The following VWC2L variants were observed in gnomAD, a reference collection of about 807,000 sequenced individuals.
The protein encoded by VWC2L is von Willebrand factor C domain-containing protein 2-like.
A neutral mutation model predicts 21.6 loss-of-function variants in VWC2L; 10 were observed. That is an observed-to-expected ratio of 0.46 (90% CI 0.29 to 0.78). The LOEUF is 0.78. Ranked by LOEUF, VWC2L falls within the 30% of genes least tolerant of loss-of-function variation. The pLI, the probability that VWC2L is intolerant of heterozygous loss-of-function variation, is 0.10. For synonymous variants in VWC2L, 96 were observed against 94.3 expected, an observed-to-expected ratio of 1.02 and a Z score of -0.10; for missense variants, 209 against 277.1, an observed-to-expected ratio of 0.75 and a Z score of 1.74.
chr2:214,500,418 T>C (rs1232306960), intron 3 of VWC2L, among the ~76,000 whole-genome samples: 1 of 152,232 alleles, frequency 6.6e-6, no homozygotes, highest in Non-Finnish European at 1.5e-5. Context: ...TTTCTTGCAT[T>C]GCCATTCTTT....
chr2:214,466,641 T>C (rs1001977538), intron 3 of VWC2L, among the ~76,000 whole-genome samples: 1 of 152,224 alleles, frequency 6.6e-6, no homozygotes, highest in Non-Finnish European at 1.5e-5. Flanking sequence ...CTGTTTTCTA[T>C]GTTTTCCATT....
At chr2:214,541,624 C>G (rs1421862339) in intron 3 of VWC2L, among the ~76,000 whole-genome samples, 1 of 152,134 alleles carries the variant, frequency 6.6e-6, no homozygotes, top group Non-Finnish European at 1.5e-5. Context: ...ATTTTGCATT[C>G]TCGCTCTGCC....
chr2:214,458,053 T>G (rs1256403623), intron 3 of VWC2L, among the ~76,000 whole-genome samples: 3 of 152,084 alleles, frequency 2.0e-5, no homozygotes, highest in Non-Finnish European at 4.4e-5. Flanking sequence ...TTTCTTCTAA[T>G]GTGGCAGTAA....
intron 3 of VWC2L, among the ~76,000 whole-genome samples, chr2:214,536,606 A>T (rs1689534407): frequency 6.6e-6 from 1 of 152,010 alleles, no homozygotes; most frequent in Admixed American, 6.6e-5. Flanking sequence ...AGCTTCCTTT[A>T]CCTTTCCTTC....
chr2:214,481,278 A>G (rs1183199656), intron 3 of VWC2L, among the ~76,000 whole-genome samples: 1 of 152,204 alleles, frequency 6.6e-6, no homozygotes, highest in Non-Finnish European at 1.5e-5. Context: ...GCTAAGCCTT[A>G]ACAGATCTTA....
chr2:214,500,880 A>G (rs1688881671), intron 3 of VWC2L, among the ~76,000 whole-genome samples: 1 of 152,222 alleles, frequency 6.6e-6, no homozygotes, highest in Admixed American at 6.5e-5. Flanking sequence ...TCTAGGTTAT[A>G]TAAGACCTTT....
intron 3 of VWC2L, among the ~76,000 whole-genome samples, chr2:214,443,242 T>C (rs7589488): frequency 0.41 from 61,814 of 151,748 alleles, 15,404 homozygotes; most frequent in African/African-American, 0.72. Context: ...GTCTGTGGTG[T>C]GTGCCTGTAA....
chr2:214,561,534 G>T (rs1689970543), intron 3 of VWC2L, among the ~76,000 whole-genome samples: 1 of 151,988 alleles, frequency 6.6e-6, no homozygotes, highest in Admixed American at 6.6e-5. Flanking sequence ...TCAGCACTTT[G>T]GGAAGCTGAG....
chr2:214,550,397 ATTAT>A (rs1281816385), intron 3 of VWC2L, among the ~76,000 whole-genome samples: 1 of 152,176 alleles, frequency 6.6e-6, no homozygotes, highest in African/African-American at 2.4e-5. Context: ...ATATTCATTT[ATTAT>A]TTATTCATTC....
intron 3 of VWC2L, among the ~76,000 whole-genome samples, chr2:214,513,145 T>C (rs367938222): frequency 1.3e-5 from 2 of 152,120 alleles, no homozygotes; most frequent in South Asian, 2.1e-4. Context: ...CTAGCACTGA[T>C]GGTAACATTT....
At chr2:214,449,032 C>A (rs2126183775) in intron 3 of VWC2L, among the ~76,000 whole-genome samples, 1 of 152,294 alleles carries the variant, frequency 6.6e-6, no homozygotes, top group Non-Finnish European at 1.5e-5. Flanking sequence ...CACATTCCAA[C>A]TAATTGGGGC....
At chr2:214,439,190 G>A (rs1017876303) in intron 3 of VWC2L, among the ~76,000 whole-genome samples, 1 of 151,984 alleles carries the variant, frequency 6.6e-6, no homozygotes, top group Admixed American at 6.6e-5. Context: ...GACAGACTGA[G>A]TCCCAGGTTT....
intron 3 of VWC2L, chr2:214,536,738 T>C (rs961639866): frequency 3.9e-5 from 6 of 152,068 alleles, no homozygotes; most frequent in African/African-American, 1.4e-4. Flanking sequence ...GCTTGAAATA[T>C]TCCCAATTGT....
intron 3 of VWC2L, among the ~76,000 whole-genome samples, chr2:214,561,159 G>A (rs1347127663): frequency 6.6e-6 from 1 of 152,170 alleles, no homozygotes; most frequent in Non-Finnish European, 1.5e-5. Flanking sequence ...CATACCCAGT[G>A]TTGCTGATTC....
intron 3 of VWC2L, among the ~76,000 whole-genome samples, chr2:214,438,081 A>G (rs914965593): frequency 6.6e-6 from 1 of 152,104 alleles, no homozygotes; most frequent in African/African-American, 2.4e-5. Context: ...ATATGCAAAT[A>G]TATTAAATTT....
intron 2 of VWC2L, among the ~76,000 whole-genome samples, chr2:214,425,289 C>G (rs1702504632): frequency 6.6e-6 from 1 of 152,178 alleles, no homozygotes; most frequent in South Asian, 2.1e-4. Context: ...GATATCAGTT[C>G]TCTTTAATCA....
chr2:214,541,627 G>C (rs185452628), intron 3 of VWC2L, among the ~76,000 whole-genome samples: 1 of 152,064 alleles, frequency 6.6e-6, no homozygotes, highest in Non-Finnish European at 1.5e-5. Context: ...TTGCATTCTC[G>C]CTCTGCCACA....
At chr2:214,448,404 G>A (rs1347500364) in intron 3 of VWC2L, among the ~76,000 whole-genome samples, 1 of 152,154 alleles carries the variant, frequency 6.6e-6, no homozygotes, top group Non-Finnish European at 1.5e-5. Flanking sequence ...CTTTCACATG[G>A]AGAGTCTAGG....
intron 3 of VWC2L, among the ~76,000 whole-genome samples, chr2:214,512,665 A>ACTAAATCCCACCCTCCACTTCAGCAT (rs1689074658): frequency 5.3e-5 from 8 of 151,228 alleles, no homozygotes; most frequent in African/African-American, 2.0e-4. Context: ...CCAATGACCA[A>ACTAAATCCCACCCTCCACTTCAGCAT]ATGTAAAAGA....
Sources: gnomAD v4.1 joint callset for allele counts (sites outside exome capture counted in the v4.1 genomes callset) on GRCh38, gnomAD v4.1.1 for gene constraint, MANE v1.5 for transcripts, NCBI Gene and HGNC (gene_info 2026-07-23, HGNC 2026-07-21) for gene names.